ZNF521: variants seen among roughly 807,000 people sequenced by gnomAD.
ZNF521 encodes the protein LYST-interacting protein 3.
ZNF521 carries 14 observed loss-of-function variants against 105.5 expected under a neutral mutation model. The observed-to-expected ratio is 0.13, with a 90% CI of 0.09 to 0.21. ZNF521 has a LOEUF of 0.21. ZNF521 is among the 10% of genes least tolerant of loss of function. The probability of loss-of-function intolerance (pLI) is 1.00; values close to 1 mark genes in which losing one functional copy is unlikely to be tolerated. For missense variants in ZNF521, 1,233 were observed against 1,629.7 expected (o/e 0.76, Z 4.19); for synonymous variants, 635 against 606.0 (o/e 1.05, Z -0.70).
At chr18:25,314,510 T>C (rs954139245) in intron 3 of ZNF521, among the ~76,000 whole-genome samples, 26 of 152,212 alleles carry the variant, frequency 1.7e-4, no homozygotes, top group Non-Finnish European at 2.9e-5. Context: ...CATACTACTT[T>C]ACACTGACGA....
intron 3 of ZNF521, among the ~76,000 whole-genome samples, chr18:25,277,973 C>G (rs892527949): frequency 6.6e-6 from 1 of 152,138 alleles, no homozygotes; most frequent in Non-Finnish European, 1.5e-5. Flanking sequence ...TCCATCATAT[C>G]CAAATTTTGT....
At chr18:25,328,535 T>C (rs1455086188) in intron 2 of ZNF521, among the ~76,000 whole-genome samples, 2 of 151,614 alleles carry the variant, frequency 1.3e-5, no homozygotes, top group Non-Finnish European at 2.9e-5. Flanking sequence ...TTATTCCTCC[T>C]TTATCTTATT....
chr18:25,283,348 G>C (rs1240959271), intron 3 of ZNF521, among the ~76,000 whole-genome samples: 1 of 152,116 alleles, frequency 6.6e-6, no homozygotes, highest in Non-Finnish European at 1.5e-5. Context: ...CCTTGAATTT[G>C]CCAGCACTTA....
intron 5 of ZNF521, among the ~76,000 whole-genome samples, chr18:25,176,283 C>T (rs1285904541): frequency 1.3e-5 from 2 of 152,162 alleles, no homozygotes; most frequent in South Asian, 2.1e-4. Context: ...ATCTCCCCCT[C>T]GAAAGTCTAT....
intron 3 of ZNF521, among the ~76,000 whole-genome samples, chr18:25,252,387 T>A (rs1908180966): frequency 6.6e-6 from 1 of 152,196 alleles, no homozygotes; most frequent in Non-Finnish European, 1.5e-5. Context: ...TATTTTTCCA[T>A]CTGCTCCACA....
intron 3 of ZNF521, among the ~76,000 whole-genome samples, chr18:25,261,341 C>A (rs1028479461): frequency 7.2e-5 from 11 of 152,106 alleles, no homozygotes; most frequent in Admixed American, 3.9e-4. Flanking sequence ...TCCTAGAGTA[C>A]CCCATACCCT....
intron 3 of ZNF521, among the ~76,000 whole-genome samples, chr18:25,268,248 G>T (rs1909408027): frequency 6.6e-6 from 1 of 152,088 alleles, no homozygotes; most frequent in Admixed American, 6.6e-5. Context: ...AGAATGAAAA[G>T]AAACAAACAA....
At chr18:25,146,973 T>C (rs950151349) in intron 5 of ZNF521, among the ~76,000 whole-genome samples, 4 of 152,208 alleles carry the variant, frequency 2.6e-5, no homozygotes, top group East Asian at 3.9e-4. Flanking sequence ...ACAAAGATAG[T>C]AGGAGTATGA....
rs1906135816 is a variant in ZNF521, at chr18:25,226,447, T to A, written c.1471A>T (p.Thr491Ser). ...FCSEVVNDLNTLQEHIRCSHG... is the reference protein window; with the variant it reads ...FCSEVVNDLNSLQEHIRCSHG... Reference sequence around the variant, plus strand: ...GAACATCGGATGTGTTCCTGAAGAGTGTTGAGGTCGTTGACAACTTCGGAA... The same window carrying A: ...GAACATCGGATGTGTTCCTGAAGAGAGTTGAGGTCGTTGACAACTTCGGAA... The change falls in exon 4 of 8, where the codon ACT becomes TCT. Residue 491 changes from threonine to serine, a missense_variant. By Grantham distance (58) the Thr-to-Ser change is moderately conservative. Around this residue, in one of 6 missense-constraint regions of ZNF521, gnomAD observed 380 missense variants for 478.0 expected, o/e 0.80. Transcript: ENST00000361524. The surrounding 1 kb of genome is among the most constrained non-coding windows in gnomAD (Gnocchi z 4.1). 1 of 1,613,700 alleles carries A rather than the reference T, an allele frequency of 6.2e-7. No individual in the cohort carries two copies.
chr18:25,209,274 GGC>G (rs1282136927), intron 4 of ZNF521, among the ~76,000 whole-genome samples: 4 of 151,954 alleles, frequency 2.6e-5, no homozygotes, highest in Admixed American at 2.0e-4. Context: ...TGGGACTACA[GGC>G]GCGCGCCACC....
At chr18:25,179,246 C>T (rs1313921205) in intron 5 of ZNF521, among the ~76,000 whole-genome samples, 3 of 145,556 alleles carry the variant, frequency 2.1e-5, no homozygotes, top group African/African-American at 7.6e-5. Context: ...CTCTGCCTCC[C>T]GGGTTCAAGC....
intron 3 of ZNF521, among the ~76,000 whole-genome samples, chr18:25,278,253 A>C (rs1910156314): frequency 1.3e-5 from 2 of 152,172 alleles, no homozygotes; most frequent in Admixed American, 1.3e-4. Flanking sequence ...CTCTACCGAG[A>C]ATCCAATTTC....
intron 5 of ZNF521, among the ~76,000 whole-genome samples, chr18:25,141,844 G>T (rs4597402): frequency 6.6e-6 from 1 of 151,952 alleles, no homozygotes; most frequent in Non-Finnish European, 1.5e-5. Context: ...GAGCCATGGC[G>T]CTCTCCAAAA....
chr18:25,067,159 A>G (rs2033084070), intron 7 of ZNF521, among the ~76,000 whole-genome samples: 1 of 152,180 alleles, frequency 6.6e-6, no homozygotes, highest in Non-Finnish European at 1.5e-5. Flanking sequence ...AATCCCAGTT[A>G]TGAACAGTTG....
At position 25,225,041 on chromosome 18, in the gene ZNF521, G is replaced by A. The variant is rs749603604; in HGVS notation, c.2877C>T (p.Tyr959=). The part of the protein sequence containing the change: ...MQTHLGPVKH[Y]MCPICGERFP... ...ACCGCTCTCCGCAAATAGGGCACAT[G>A]TAGTGTTTGACAGGGCCTAGGTGGG... Residue 959 remains tyrosine, a synonymous_variant, in exon 4 of 8, where the codon TAC becomes TAT. Transcript: ENST00000361524. This position sits in a 1 kb window ranked among gnomAD's most constrained non-coding sequence, Gnocchi z 5.6. The A allele has an allele frequency of 6.2e-7, 1 of 1,614,204 alleles. No homozygotes were observed. The highest frequency in any genetic ancestry group is 2.2e-5 in the East Asian group (1 of 44,880).
At chr18:25,140,138 C>T (rs1401275038) in intron 5 of ZNF521, among the ~76,000 whole-genome samples, 2 of 152,166 alleles carry the variant, frequency 1.3e-5, no homozygotes, top group African/African-American at 4.8e-5. Flanking sequence ...GGTATCAACT[C>T]ATCATTTACA....
intron 5 of ZNF521, among the ~76,000 whole-genome samples, chr18:25,159,087 T>A (rs547623301): frequency 7.2e-5 from 11 of 152,238 alleles, no homozygotes; most frequent in African/African-American, 2.6e-4. Context: ...AGTCTGCCCA[T>A]CAGAGTGATT....
At chr18:25,167,945 G>A (rs2035375686) in intron 5 of ZNF521, among the ~76,000 whole-genome samples, 1 of 152,224 alleles carries the variant, frequency 6.6e-6, no homozygotes, top group Non-Finnish European at 1.5e-5. Context: ...GTACAAGGAT[G>A]AAAAGGTCAC....
At chr18:25,194,487 TA>T (rs1381763903) in intron 5 of ZNF521, among the ~76,000 whole-genome samples, 1 of 151,764 alleles carries the variant, frequency 6.6e-6, no homozygotes, top group Admixed American at 6.6e-5. Context: ...ATGAATAAGT[TA>T]AAAAAATATC....
Sources: allele counts gnomAD v4.1 joint callset (sites outside exome capture counted in the v4.1 genomes callset), GRCh38; gene constraint gnomAD v4.1.1; regional missense constraint gnomAD v4.1.1; non-coding constraint Gnocchi (gnomAD v3.1); transcripts MANE v1.5; gene names NCBI Gene and HGNC (gene_info 2026-07-23, HGNC 2026-07-21).